The following HSP90AA1 variants were observed in gnomAD, a reference collection of about 807,000 sequenced individuals.
The protein encoded by HSP90AA1 is heat shock protein 90 alpha family class A member 1, also known as heat shock protein HSP 90-alpha.
A neutral mutation model predicts 73.3 loss-of-function variants in HSP90AA1; 18 were observed. The ratio of observed to expected loss-of-function variants is 0.25; its 90% CI spans 0.17 to 0.36. The LOEUF (loss-of-function observed/expected upper bound fraction) is 0.36, where lower values mean the gene tolerates loss of function less well. Ranked by LOEUF, HSP90AA1 falls within the 10% of genes least tolerant of loss-of-function variation. HSP90AA1 has a pLI of 1.00. For synonymous variants in HSP90AA1, 477 were observed against 296.9 expected, an observed-to-expected ratio of 1.61 and a Z score of -6.24; for missense variants, 704 against 874.2, an observed-to-expected ratio of 0.81 and a Z score of 2.45.
chr14:102,091,456 CTACAAAAAA>C (rs1011798957), upstream of HSP90AA1, among the ~76,000 whole-genome samples: 5 of 151,988 alleles, frequency 3.3e-5, no homozygotes, highest in African/African-American at 1.2e-4. Flanking sequence ...AACCCCATCT[CTACAAAAAA>C]TACAAAAAAA....
chr14:102,139,018 A>G (rs2050135434), intron 1 of HSP90AA1, among the ~76,000 whole-genome samples: 1 of 152,140 alleles, frequency 6.6e-6, no homozygotes, highest in African/African-American at 2.4e-5. Context: ...GAGCAAGATC[A>G]GTGAATCCTA....
At chr14:102,112,403 T>C (rs1034520678) in intron 1 of HSP90AA1, among the ~76,000 whole-genome samples, 1 of 152,212 alleles carries the variant, frequency 6.6e-6, no homozygotes, top group African/African-American at 2.4e-5. Flanking sequence ...CTTGATCTCT[T>C]GACCTTATGA....
intron 1 of HSP90AA1, among the ~76,000 whole-genome samples, chr14:102,135,659 G>A (rs546949045): frequency 2.6e-5 from 4 of 152,380 alleles, no homozygotes; most frequent in Admixed American, 1.3e-4. Context: ...CCTGCCCCGC[G>A]GGAAGGCAGC....
chr14:102,082,917 C>T (rs1258183396), intron 9 of HSP90AA1, 117 bp downstream of exon 9: 5 of 1,101,890 alleles, frequency 4.5e-6, no homozygotes, highest in African/African-American at 1.5e-5. Context: ...CCGCGCCCAG[C>T]CACACACAAC....
intron 7 of HSP90AA1, 39 bp from the exon 8 acceptor site, chr14:102,083,732 T>TTA: frequency 7.1e-7 from 1 of 1,400,544 alleles, no homozygotes; most frequent in African/African-American, 1.6e-5. Context: ...CTTTCTGAAT[T>TTA]AAAAAAAAAA....
chr14:102,110,873 G>A (rs1000062529), intron 1 of HSP90AA1, among the ~76,000 whole-genome samples: 15 of 151,682 alleles, frequency 9.9e-5, no homozygotes, highest in African/African-American at 3.2e-4. Context: ...GAGCCACTGC[G>A]CCCAGCCCAA....
intron 1 of HSP90AA1, among the ~76,000 whole-genome samples, chr14:102,134,393 GT>G (rs138333796): frequency 0.025 from 3,787 of 151,406 alleles, 172 homozygotes; most frequent in African/African-American, 0.088. Flanking sequence ...TATGCAGTAG[GT>G]AAGAAACAGG....
At chr14:102,091,856 G>C (rs973372677), upstream of HSP90AA1, among the ~76,000 whole-genome samples, 3 of 151,964 alleles carry the variant, frequency 2.0e-5, no homozygotes, top group Admixed American at 1.3e-4. Flanking sequence ...TGAACTCCTG[G>C]ACTTAAGGAG....
At chr14:102,124,821 T>A (rs1172178181) in intron 1 of HSP90AA1, among the ~76,000 whole-genome samples, 3 of 152,248 alleles carry the variant, frequency 2.0e-5, no homozygotes, top group Non-Finnish European at 2.9e-5. Context: ...TATTAAATAA[T>A]GTGATCATGA....
Position 102,116,115 on chromosome 14 carries a change from C to A in HSP90AA1, c.156-14030G>T, listed in dbSNP as rs548279008. Among the ~76,000 whole-genome samples, 6 of 152,200 alleles carry A rather than the reference C, an allele frequency of 3.9e-5. No homozygotes were observed. In the East Asian group the frequency reaches 1.2e-3, roughly 29 times the overall value. Reference sequence around the variant, plus strand: ...TACAGGTGCCCGCCACCACGCCCAACTAATTTTTTTTGTATTTTTAGTAGA... The same window carrying A: ...TACAGGTGCCCGCCACCACGCCCAAATAATTTTTTTTGTATTTTTAGTAGA... On this transcript the variant is annotated intron_variant, in intron 1 of 11. Coordinates refer to the HSP90AA1 transcript ENST00000334701.
chr14:102,083,716 C>T, intron 7 of HSP90AA1, 23 bp from the exon 8 acceptor site: 1 of 1,175,516 alleles, frequency 8.5e-7, no homozygotes, highest in Non-Finnish European at 1.2e-6. Context: ...ATGTTCTTTA[C>T]AAAGACTTTC....
rs1245588566 is a variant in HSP90AA1, at chr14:102,135,711, C to T, written c.155+3539G>A. Among the ~76,000 whole-genome samples the T allele has an allele frequency of 2.0e-5, 3 of 152,370 alleles. No homozygotes were observed. The East Asian group carries it at 5.8e-4, about 29-fold the overall frequency. Reference sequence around the variant, plus strand: ...ATCGAGCACAGCGCCGGTGGGCCGGCACTGCTGGGGGACCCAGTACACCTC... The same window carrying T: ...ATCGAGCACAGCGCCGGTGGGCCGGTACTGCTGGGGGACCCAGTACACCTC... On this transcript the variant is annotated intron_variant, in intron 1 of 11. Transcript: ENST00000334701.
At position 102,084,748 on chromosome 14, in the gene HSP90AA1, G is replaced by C. The variant is rs1401011979; in HGVS notation, c.914C>G (p.Thr305Ser). 2 of 1,614,156 alleles carry C rather than the reference G, an allele frequency of 1.2e-6. No homozygotes were observed. The highest frequency in any genetic ancestry group is 1.7e-6 in the Non-Finnish European group (2 of 1,180,024). The stretch of plus-strand genomic sequence containing the variant: ...ATAGAATTCTCCGTACTCCTCATTA[G>C]TAATATCGTCGGGATTTCTGGTCCA... ...PIWTRNPDDITNEEYGEFYKS... is the reference protein window; with the variant it reads ...PIWTRNPDDISNEEYGEFYKS... The change falls in exon 5 of 11, where the codon ACT becomes AGT. Residue 305 changes from threonine to serine, a missense_variant. By Grantham distance (58) the Thr-to-Ser change is moderately conservative (BLOSUM62 1). Transcript: ENST00000216281.
chr14:102,121,577 T>A lies in HSP90AA1; in HGVS notation c.155+17673A>T, dbSNP rs566538816. On this transcript the variant is annotated intron_variant, in intron 1 of 11. Transcript: ENST00000334701. ...TCTCACCAAGTATGTGAACCCATCC[T>A]GTTTCTTAATACTTGTGCCAACATT... 2.0e-5 allele frequency among the ~76,000 whole-genome samples: 3 copies of A among 152,370 alleles called. No homozygotes were observed. In the South Asian group the frequency reaches 6.2e-4, roughly 32 times the overall value.
chr14:102,132,756 C>T (rs1338789939), intron 1 of HSP90AA1, among the ~76,000 whole-genome samples: 5 of 151,486 alleles, frequency 3.3e-5, no homozygotes, highest in African/African-American at 1.2e-4. Context: ...GTCAGGAGTT[C>T]GAGACCAACC....
chr14:102,087,055 C>T (rs1262356984), upstream of HSP90AA1: 5 of 985,350 alleles, frequency 5.1e-6, no homozygotes, highest in Admixed American at 2.5e-4. Flanking sequence ...GACGCGCCAC[C>T]CCCGCGCCTG....
chr14:102,131,492 T>A (rs1020808546), intron 1 of HSP90AA1, among the ~76,000 whole-genome samples: 6 of 152,176 alleles, frequency 3.9e-5, no homozygotes, highest in Non-Finnish European at 7.4e-5. Flanking sequence ...AATAAATTCT[T>A]AAACCCTGCA....
chr14:102,085,285 CAT>C lies in HSP90AA1; in HGVS notation c.663+11_663+12del. 2 of 1,609,162 alleles carry C rather than the reference CAT, an allele frequency of 1.2e-6. No homozygotes were observed. The highest frequency in any genetic ancestry group is 1.7e-6 in the Non-Finnish European group (2 of 1,176,604). On this transcript the variant is annotated intron_variant, in intron 4 of 10. Coordinates refer to ENST00000216281, the MANE Select transcript of HSP90AA1 (RefSeq NM_005348.4). ...CAGACAGAAATTCACTCTGCAATTA[CAT>C]AAAAACTTACAAAAAGAGTAATGGG...
Position 102,097,603 on chromosome 14 carries a change from G to A in HSP90AA1, c.366+4272C>T, listed in dbSNP as rs117233887. Among the ~76,000 whole-genome samples the A allele has an allele frequency of 4.0e-3, 611 of 152,050 alleles. 10 individuals carry two copies. In the East Asian group the frequency reaches 0.047, roughly 12 times the overall value. ...GTGGAAGAACAGGCCTAGCTGGTCC[G>A]TCCAGTGCCCAGAGGGCTTGTTTAT... On this transcript the variant is annotated intron_variant, in intron 2 of 11. Coordinates refer to the HSP90AA1 transcript ENST00000334701.
Sources: allele counts gnomAD v4.1 joint callset (sites outside exome capture counted in the v4.1 genomes callset), GRCh38; gene constraint gnomAD v4.1.1; transcripts MANE v1.5; gene names NCBI Gene and HGNC (gene_info 2026-07-23, HGNC 2026-07-21).